The following NCAM2 variants were observed in gnomAD, a reference collection of about 807,000 sequenced individuals.
NCAM2 encodes the protein N-CAM-2.
NCAM2 carries 30 observed loss-of-function variants against 98.1 expected under a neutral mutation model. That is an observed-to-expected ratio of 0.31 (90% CI 0.23 to 0.41). NCAM2 has a LOEUF of 0.41. NCAM2 is among the 10% of genes least tolerant of loss of function. The pLI is 1.00. For missense variants in NCAM2, 867 were observed against 1,005.8 expected (o/e 0.86, Z 1.87); for synonymous variants, 368 against 342.4 (o/e 1.07, Z -0.83).
At chr21:21,150,738 G>T (rs2146705817) in intron 1 of NCAM2, among the ~76,000 whole-genome samples, 1 of 151,800 alleles carries the variant, frequency 6.6e-6, no homozygotes, top group Non-Finnish European at 1.5e-5. Context: ...GGATTTCTGT[G>T]TCTATATTAG....
chr21:21,452,734 A>G (rs1981378797), intron 12 of NCAM2, among the ~76,000 whole-genome samples: 1 of 108,408 alleles, frequency 9.2e-6, no homozygotes, highest in African/African-American at 3.8e-5. Context: ...TATATTATAT[A>G]ATATATATAA....
At chr21:21,157,592 C>T (rs1197242123) in intron 1 of NCAM2, among the ~76,000 whole-genome samples, 4 of 152,168 alleles carry the variant, frequency 2.6e-5, no homozygotes, top group Non-Finnish European at 4.4e-5. Context: ...AATTTAATTA[C>T]ACTTTGTAAT....
chr21:21,496,672 C>CA (rs149800541), intron 15 of NCAM2, among the ~76,000 whole-genome samples: 4,199 of 152,054 alleles, frequency 0.028, 183 homozygotes, highest in African/African-American at 0.096. Flanking sequence ...GAGATTTAGC[C>CA]AAAAATCCCT....
At chr21:21,014,087 A>G (rs992782188) in intron 1 of NCAM2, among the ~76,000 whole-genome samples, 1 of 152,210 alleles carries the variant, frequency 6.6e-6, no homozygotes, top group African/African-American at 2.4e-5. Context: ...CTTAGGGAAT[A>G]ATACAGCTGG....
At chr21:21,386,439 G>T (rs183213881) in intron 9 of NCAM2, among the ~76,000 whole-genome samples, 1 of 152,164 alleles carries the variant, frequency 6.6e-6, no homozygotes, top group African/African-American at 2.4e-5. Flanking sequence ...ACATAAATTG[G>T]TTCTACTGCC....
chr21:21,219,688 G>A (rs1423253516), intron 1 of NCAM2, among the ~76,000 whole-genome samples: 2 of 152,154 alleles, frequency 1.3e-5, no homozygotes, highest in African/African-American at 4.8e-5. Flanking sequence ...CATTATTTTA[G>A]AGTGTATCTT....
At chr21:21,510,362 C>T (rs915087138) in intron 16 of NCAM2, among the ~76,000 whole-genome samples, 1 of 152,078 alleles carries the variant, frequency 6.6e-6, no homozygotes, top group African/African-American at 2.4e-5. Context: ...CCTCCCTCAC[C>T]CAGGCCATTG....
chr21:21,473,470 C>A (rs1984743424), intron 14 of NCAM2, among the ~76,000 whole-genome samples: 1 of 149,370 alleles, frequency 6.7e-6, no homozygotes, highest in Non-Finnish European at 1.5e-5. Flanking sequence ...AATTTCTGGG[C>A]CTTCTGTGAG....
At chr21:21,033,687 G>A (rs2064737555) in intron 1 of NCAM2, among the ~76,000 whole-genome samples, 1 of 152,156 alleles carries the variant, frequency 6.6e-6, no homozygotes, top group Non-Finnish European at 1.5e-5. Flanking sequence ...GGATTAAAAT[G>A]TCTCAGATTA....
chr21:21,490,752 A>G (rs192639846), intron 15 of NCAM2, among the ~76,000 whole-genome samples: 37 of 151,874 alleles, frequency 2.4e-4, no homozygotes, highest in Admixed American at 2.2e-3. Flanking sequence ...TCTGTTTTAA[A>G]GTACTTCTGA....
At chr21:21,470,387 T>C (rs1984289809) in intron 14 of NCAM2, among the ~76,000 whole-genome samples, 1 of 152,092 alleles carries the variant, frequency 6.6e-6, no homozygotes, top group South Asian at 2.1e-4. Flanking sequence ...CACAGATGGA[T>C]AGAAATAAGT....
chr21:21,169,604 A>C (rs1022377724), intron 1 of NCAM2, among the ~76,000 whole-genome samples: 2 of 152,162 alleles, frequency 1.3e-5, no homozygotes, highest in East Asian at 1.9e-4. Flanking sequence ...TAAGAAAATC[A>C]ATAACTTGAT....
intron 12 of NCAM2, among the ~76,000 whole-genome samples, chr21:21,462,788 T>A (rs74597082): frequency 0.031 from 4,773 of 152,138 alleles, 263 homozygotes; most frequent in African/African-American, 0.11. Context: ...AGAGAATTCA[T>A]TTCTGTTGCC....
chr21:21,219,982 A>T (rs2070074289), intron 1 of NCAM2, among the ~76,000 whole-genome samples: 1 of 152,184 alleles, frequency 6.6e-6, no homozygotes, highest in African/African-American at 2.4e-5. Flanking sequence ...TTATAGAATA[A>T]GGTTATGAAG....
chr21:21,098,675 T>C (rs748449132), intron 1 of NCAM2, among the ~76,000 whole-genome samples: 1 of 151,852 alleles, frequency 6.6e-6, no homozygotes, highest in African/African-American at 2.4e-5. Context: ...AAAGCTGAAG[T>C]ATTTTCTAAG....
At chr21:21,444,466 C>CA (rs375429360) in intron 12 of NCAM2, among the ~76,000 whole-genome samples, 8 of 150,694 alleles carry the variant, frequency 5.3e-5, no homozygotes, top group Non-Finnish European at 7.4e-5. Context: ...TGGTCCTGGG[C>CA]TTTTTTTTTG....
intron 1 of NCAM2, among the ~76,000 whole-genome samples, chr21:21,090,853 A>G (rs1281213459): frequency 1.3e-5 from 2 of 152,072 alleles, no homozygotes; most frequent in East Asian, 1.9e-4. Context: ...ACCTATCCCA[A>G]TCTGTTTCTC....
At chr21:21,496,007 A>T (rs1602499560) in intron 15 of NCAM2, among the ~76,000 whole-genome samples, 1 of 87,008 alleles carries the variant, frequency 1.1e-5, no homozygotes, top group East Asian at 3.9e-4. Flanking sequence ...TATATATGAA[A>T]TATATATATA....
At chr21:21,147,521 C>T (rs2067315219) in intron 1 of NCAM2, among the ~76,000 whole-genome samples, 1 of 151,314 alleles carries the variant, frequency 6.6e-6, no homozygotes, top group Admixed American at 6.6e-5. Flanking sequence ...TATATATATA[C>T]ACTAATAATG....
Sources: allele counts gnomAD v4.1 joint callset (sites outside exome capture counted in the v4.1 genomes callset), GRCh38; gene constraint gnomAD v4.1.1; transcripts MANE v1.5; gene names NCBI Gene and HGNC (gene_info 2026-07-23, HGNC 2026-07-21).